Variants in OLFM3 observed in about 807,000 individuals in gnomAD.
OLFM3 encodes the protein noelin-3.
In OLFM3, 20 loss-of-function variants were observed where a neutral mutation model predicts 48.6. The ratio of observed to expected loss-of-function variants is 0.41; its 90% CI spans 0.29 to 0.60. The LOEUF (loss-of-function observed/expected upper bound fraction) is 0.60, where lower values mean the gene tolerates loss of function less well. Among genes scored for constraint, OLFM3 ranks in the 20% least tolerant of loss-of-function variants. OLFM3 has a pLI of 0.28. For synonymous variants in OLFM3, 222 were observed against 198.1 expected, an observed-to-expected ratio of 1.12 and a Z score of -1.01; for missense variants, 437 against 544.3, an observed-to-expected ratio of 0.80 and a Z score of 1.96.
chr1:101,935,557 C>T (rs183153423), intron 1 of OLFM3, among the ~76,000 whole-genome samples: 1 of 152,076 alleles, frequency 6.6e-6, no homozygotes, highest in Non-Finnish European at 1.5e-5. Flanking sequence ...TAAAGAAGAG[C>T]TGCTACCATT....
At chr1:101,974,434 T>C (rs1426162618) in intron 1 of OLFM3, among the ~76,000 whole-genome samples, 1 of 152,200 alleles carries the variant, frequency 6.6e-6, no homozygotes, top group Admixed American at 6.5e-5. Context: ...TCATAGTTAC[T>C]AAAGGAGTGC....
intron 1 of OLFM3, among the ~76,000 whole-genome samples, chr1:101,862,377 G>C (rs1656693587): frequency 6.6e-6 from 1 of 152,158 alleles, no homozygotes; most frequent in Admixed American, 6.5e-5. Context: ...GACCTCATAG[G>C]CTTGTACAAA....
intron 1 of OLFM3, among the ~76,000 whole-genome samples, chr1:101,969,992 C>A (rs916357330): frequency 6.6e-6 from 1 of 151,958 alleles, no homozygotes; most frequent in Non-Finnish European, 1.5e-5. Flanking sequence ...GCCCTTCAGG[C>A]TACAGGTTGC....
intron 1 of OLFM3, among the ~76,000 whole-genome samples, chr1:101,981,398 AGT>A (rs1366587754): frequency 2.0e-5 from 3 of 152,238 alleles, no homozygotes; most frequent in Non-Finnish European, 4.4e-5. Context: ...TCAGCATCAT[AGT>A]AGAGTGTTAT....
intron 1 of OLFM3, among the ~76,000 whole-genome samples, chr1:101,956,808 G>A (rs1660310925): frequency 6.6e-6 from 1 of 151,808 alleles, no homozygotes; most frequent in Admixed American, 6.6e-5. Context: ...AATCTATAGG[G>A]AATGAAAGAA....
chr1:101,906,179 G>A (rs1360998), intron 1 of OLFM3, among the ~76,000 whole-genome samples: 67,822 of 151,362 alleles, frequency 0.45, 15,375 homozygotes, highest in East Asian at 0.59. Flanking sequence ...GCCTTTTATA[G>A]CTCCAGTTTT....
At chr1:101,961,434 C>G (rs528552482) in intron 1 of OLFM3, among the ~76,000 whole-genome samples, 13 of 151,694 alleles carry the variant, frequency 8.6e-5, no homozygotes, top group Non-Finnish European at 1.5e-4. Flanking sequence ...ACATTTAAAG[C>G]CTTTTTTGTT....
At chr1:101,848,528 A>G (rs1329612154) in intron 1 of OLFM3, among the ~76,000 whole-genome samples, 2 of 151,444 alleles carry the variant, frequency 1.3e-5, no homozygotes, top group African/African-American at 2.4e-5. Context: ...TTCAAAATAT[A>G]TCCAAATGAC....
At chr1:101,941,797 T>C (rs1389695959) in intron 1 of OLFM3, among the ~76,000 whole-genome samples, 1 of 152,164 alleles carries the variant, frequency 6.6e-6, no homozygotes, top group East Asian at 1.9e-4. Context: ...AAGTGGGGCA[T>C]TGATATTAGC....
chr1:101,857,888 A>C (rs1007304087), intron 1 of OLFM3, among the ~76,000 whole-genome samples: 5 of 151,992 alleles, frequency 3.3e-5, no homozygotes, highest in Non-Finnish European at 7.4e-5. Flanking sequence ...AATATTTTGC[A>C]CTTCATATTT....
chr1:101,920,864 A>G (rs977058971), intron 1 of OLFM3, among the ~76,000 whole-genome samples: 3 of 152,144 alleles, frequency 2.0e-5, no homozygotes, highest in Admixed American at 1.3e-4. Context: ...TTTGTTTTAT[A>G]TGTGTATTGA....
intron 4 of OLFM3, among the ~76,000 whole-genome samples, chr1:101,812,113 C>T (rs1654085592): frequency 6.6e-6 from 1 of 151,754 alleles, no homozygotes; most frequent in Non-Finnish European, 1.5e-5. Context: ...CATGTTCTCA[C>T]TCATAGGTGG....
chr1:101,889,419 G>A (rs181883963), intron 1 of OLFM3, among the ~76,000 whole-genome samples: 23 of 152,162 alleles, frequency 1.5e-4, no homozygotes, highest in African/African-American at 2.4e-4. Context: ...GCGAAACACC[G>A]CATGTTTTCA....
intron 1 of OLFM3, among the ~76,000 whole-genome samples, chr1:101,928,087 T>A (rs1193044294): frequency 6.6e-6 from 1 of 152,102 alleles, no homozygotes; most frequent in Non-Finnish European, 1.5e-5. Flanking sequence ...TAATAAATAT[T>A]TTTTGAATGA....
In OLFM3 at chr1:101,804,378, G is replaced by A; in HGVS notation, c.1237C>T (p.Pro413Ser). Residue 413 changes from proline (P) to serine (S), a missense_variant, in exon 6 of 6, where the codon CCC becomes TCC. By Grantham distance (74) the Pro-to-Ser change is moderately conservative. This residue lies in a region of OLFM3 where 108 missense variants were observed against 135.8 expected (regional missense o/e 0.80). Transcript: ENST00000370103. The surrounding 1 kb of genome is among the most constrained non-coding windows in gnomAD (Gnocchi z 4.5). ...KTSTYEYTDI[P>S]FHNQYFHISM... ...ATGTGAAAGTATTGGTTATGGAAGGGAATGTCTGTGTACTCATATGTGGAG... is the reference window on the plus strand; with the variant it reads ...ATGTGAAAGTATTGGTTATGGAAGGAAATGTCTGTGTACTCATATGTGGAG... 1 of 1,612,520 alleles carries A rather than the reference G, an allele frequency of 6.2e-7. No individual in the cohort carries two copies. The highest frequency in any genetic ancestry group is 2.2e-5 in the East Asian group (1 of 44,838).
At chr1:101,900,746 T>C (rs1003386472) in intron 1 of OLFM3, among the ~76,000 whole-genome samples, 41 of 152,104 alleles carry the variant, frequency 2.7e-4, no homozygotes, top group African/African-American at 9.2e-4. Flanking sequence ...ATGATTGAGA[T>C]GTAAAGGATA....
intron 1 of OLFM3, among the ~76,000 whole-genome samples, chr1:101,924,288 T>G (rs184409875): frequency 6.4e-4 from 98 of 152,304 alleles, no homozygotes; most frequent in African/African-American, 2.3e-3. Flanking sequence ...TGGAAGCCAA[T>G]AAGCTTACTA....
intron 1 of OLFM3, among the ~76,000 whole-genome samples, chr1:101,992,676 GA>G (rs756317752): frequency 7.3e-4 from 110 of 151,118 alleles, no homozygotes; most frequent in South Asian, 3.1e-3. Context: ...GTAAGAACAA[GA>G]ACTTTAATTA....
At chr1:101,951,631 A>C (rs2101072071) in intron 1 of OLFM3, among the ~76,000 whole-genome samples, 1 of 152,274 alleles carries the variant, frequency 6.6e-6, no homozygotes, top group Non-Finnish European at 1.5e-5. Flanking sequence ...GAATAAGCCA[A>C]AAAAAGGAAA....
Sources: gnomAD v4.1 joint callset for allele counts (sites outside exome capture counted in the v4.1 genomes callset) on GRCh38, gnomAD v4.1.1 for gene constraint, gnomAD v4.1.1 regional missense constraint, Gnocchi (gnomAD v3.1) non-coding constraint, MANE v1.5 for transcripts, NCBI Gene and HGNC (gene_info 2026-07-23, HGNC 2026-07-21) for gene names.